Variants in FIS1 observed in about 807,000 individuals in gnomAD.
The protein encoded by FIS1 is fission, mitochondrial 1.
Under a neutral mutation model 21.6 loss-of-function variants are expected in FIS1, and 16 were observed. The observed-to-expected ratio is 0.74, with a 90% CI of 0.50 to 1.12. The LOEUF (loss-of-function observed/expected upper bound fraction) is 1.12. Among genes scored for constraint, FIS1 ranks in the 50% most tolerant of loss-of-function variants. The pLI is 0.00. For missense variants in FIS1, 198 were observed against 190.9 expected (o/e 1.04, Z -0.22); for synonymous variants, 92 against 82.2 (o/e 1.12, Z -0.65).
At chr7:101,243,821 C>CAAAACAATGGTGGGCGG (rs1798778416) in intron 2 of FIS1, among the ~76,000 whole-genome samples, 186 bp downstream of exon 2, 1 of 152,188 alleles carries the variant, frequency 6.6e-6, no homozygotes, top group African/African-American at 2.4e-5. Flanking sequence ...AACTGACATG[C>CAAAACAATGGTGGGCGG]TACACTCTGT....
intron 4 of FIS1, 110 bp downstream of exon 4, chr7:101,240,032 A>T: frequency 7.0e-7 from 1 of 1,431,532 alleles, no homozygotes; most frequent in African/African-American, 1.4e-5. Context: ...GGCTCTAAGA[A>T]CTGGAAGGGG....
chr7:101,243,888 TA>T, intron 2 of FIS1, 118 bp downstream of exon 2: 1 of 1,316,542 alleles, frequency 7.6e-7, no homozygotes. Flanking sequence ...GACGTCAAGC[TA>T]AGTATAGCCC....
intron 2 of FIS1, among the ~76,000 whole-genome samples, chr7:101,242,922 CT>C (rs1225156944): frequency 6.6e-6 from 1 of 151,868 alleles, no homozygotes; most frequent in Non-Finnish European, 1.5e-5. Flanking sequence ...ATGAACAGAC[CT>C]TTTTTTCTTG....
At chr7:101,244,175 T>TGGG in intron 1 of FIS1, 36 bp from the exon 2 acceptor site, 1 of 1,601,910 alleles carries the variant, frequency 6.2e-7, no homozygotes, top group South Asian at 1.1e-5. Context: ...TTTAGAAATG[T>TGGG]AGGGCGTCAA....
Position 101,240,242 on chromosome 7 carries a change from G to C in FIS1, c.261C>G (p.Tyr87Ter), listed in dbSNP as rs771594034. 2 of 1,614,052 alleles carry C rather than the reference G, an allele frequency of 1.2e-6. No individual in the cohort carries two copies. ...CGCGGACGTACTTTAAGGCCTTCTC[G>C]TATTCCTGCGCTCGGGGAAACGCGC... ...LAVGNYRLKE[Y>*]EKALKYVRGL... The change falls in exon 4 of 5, where the codon TAC becomes TAG. Residue 87 changes from tyrosine (Y) to a stop codon, truncating the protein, a stop_gained. Transcript: ENST00000223136. LOFTEE classifies it high-confidence loss of function.
intron 2 of FIS1, chr7:101,241,677 G>C (rs1210544571): frequency 7.0e-6 from 1 of 141,874 alleles, no homozygotes; most frequent in East Asian, 2.1e-4. Flanking sequence ...GAGACAGGGT[G>C]GGCCGTGAGC....
intron 3 of FIS1, 108 bp from the exon 4 acceptor site, chr7:101,240,355 G>A: frequency 8.9e-7 from 1 of 1,121,090 alleles, no homozygotes; most frequent in Non-Finnish European, 1.3e-6. Flanking sequence ...CTGGACGGCA[G>A]CGTCGCAATC....
At chr7:101,240,757 C>T (rs1798735433) in intron 3 of FIS1, 73 bp downstream of exon 3, 1 of 1,439,920 alleles carries the variant, frequency 6.9e-7, no homozygotes, top group South Asian at 1.1e-5. Flanking sequence ...GTCCAGGGCT[C>T]CACCCTGGAG....
At chr7:101,240,730 C>T (rs1317985067) in intron 3 of FIS1, 100 bp downstream of exon 3, 1 of 1,135,162 alleles carries the variant, frequency 8.8e-7, no homozygotes, top group Non-Finnish European at 1.3e-6. Flanking sequence ...CCTCTGCACC[C>T]CTTCAGCCTT....
intron 2 of FIS1, among the ~76,000 whole-genome samples, chr7:101,243,783 C>G (rs1562908710): frequency 6.6e-6 from 1 of 152,306 alleles, no homozygotes; most frequent in East Asian, 1.9e-4. Flanking sequence ...CCTCAAGTCA[C>G]TTTCCCAGAT....
intron 2 of FIS1, among the ~76,000 whole-genome samples, chr7:101,242,462 T>C (rs1190581247): frequency 2.0e-5 from 3 of 151,982 alleles, no homozygotes; most frequent in Non-Finnish European, 2.9e-5. Flanking sequence ...ATTTGTATCT[T>C]TTAAGAAAGA....
chr7:101,242,138 G>A (rs964575929), intron 2 of FIS1, among the ~76,000 whole-genome samples: 2 of 152,072 alleles, frequency 1.3e-5, no homozygotes, highest in African/African-American at 2.4e-5. Context: ...GACAGGCCAG[G>A]TGGTCTCAAA....
chr7:101,243,368 G>T (rs948402727), intron 2 of FIS1, among the ~76,000 whole-genome samples: 10 of 152,196 alleles, frequency 6.6e-5, no homozygotes, highest in Non-Finnish European at 5.9e-5. Context: ...CTGAGGTCAG[G>T]AGTTAGAGAC....
At chr7:101,240,424 G>A (rs527498403) in intron 3 of FIS1, among the ~76,000 whole-genome samples, 177 bp from the exon 4 acceptor site, 3 of 152,262 alleles carry the variant, frequency 2.0e-5, no homozygotes, top group Non-Finnish European at 4.4e-5. Context: ...TCAGCCTCCT[G>A]AGTAGCCGGG....
chr7:101,244,127 T>G lies in FIS1; in HGVS notation c.58A>C (p.Lys20Gln). The change falls in exon 2 of 5, where the codon AAA (lysine) becomes CAA (glutamine). Residue 20 changes from lysine (K) to glutamine (Q), a missense_variant. Lys to Gln is a moderately conservative substitution (Grantham distance 53). Transcript: ENST00000223136. ...SVEDLLKFEK[K>Q]FQSEKAAGSV... ...CCTGCTGCCTTCTCAGACTGAAATT[T>G]CTTTTCAAACTTCTGCCACAGGGGA... 6.2e-7 allele frequency: 1 copy of G among 1,613,584 alleles called. No individual in the cohort carries two copies. The highest frequency in any genetic ancestry group is 1.1e-5 in the South Asian group (1 of 91,040).
Position 101,245,057 on chromosome 7 carries a change from T to C in FIS1, c.-53A>G, listed in dbSNP as rs1584273613. The stretch of plus-strand genomic sequence containing the variant: ...ACAGTCTACTGTGCCACAGTCTCCA[T>C]GGCCCAGTGGCAGGGGCGGAGAACC... On this transcript the variant is annotated 5_prime_UTR_variant, in exon 1 of 5. An upstream start codon of the reference 5' UTR is lost. Coordinates refer to ENST00000223136, the MANE Select transcript of FIS1 (RefSeq NM_016068.3). 5.1e-6 allele frequency: 8 copies of C among 1,579,900 alleles called. No homozygotes were observed. The highest frequency in any genetic ancestry group is 1.4e-5 in the African/African-American group (1 of 73,902).
chr7:101,240,817 G>A lies in FIS1; in HGVS notation c.255+13C>T. The A allele has an allele frequency of 6.2e-7, 1 of 1,613,192 alleles. No individual in the cohort carries two copies. The highest frequency in any genetic ancestry group is 1.3e-5 in the African/African-American group (1 of 75,018). The stretch of plus-strand genomic sequence containing the variant: ...CCCAGAGGAGGGTGAAGGGAACGGG[G>A]TCCCCACCTCACCTTGAGCCGGTAG... On this transcript the variant is annotated intron_variant, in intron 3 of 4. Coordinates refer to ENST00000223136, the MANE Select transcript of FIS1 (RefSeq NM_016068.3).
At chr7:101,242,939 A>G (rs1435925363) in intron 2 of FIS1, among the ~76,000 whole-genome samples, 2 of 151,704 alleles carry the variant, frequency 1.3e-5, no homozygotes, top group Non-Finnish European at 2.9e-5. Context: ...TCTTGCCATT[A>G]TTCCCTAAAC....
intron 1 of FIS1, chr7:101,244,517 C>T (rs1389365400): frequency 5.9e-6 from 2 of 340,242 alleles, no homozygotes; most frequent in Non-Finnish European, 1.1e-5. Flanking sequence ...CCCTGCCGGG[C>T]CTGGACCTTT....
Sources: gnomAD v4.1 joint callset for allele counts (sites outside exome capture counted in the v4.1 genomes callset) on GRCh38, gnomAD v4.1.1 for gene constraint, MANE v1.5 for transcripts, NCBI Gene and HGNC (gene_info 2026-07-23, HGNC 2026-07-21) for gene names.